The following SPTBN1 variants were observed in gnomAD, a reference collection of about 807,000 sequenced individuals.
SPTBN1 encodes spectrin beta, non-erythrocytic 1.
Under a neutral mutation model 266.4 loss-of-function variants are expected in SPTBN1, and 32 were observed. That is an observed-to-expected ratio of 0.12 (90% CI 0.09 to 0.16). The LOEUF is 0.16. SPTBN1 is among the 10% of genes least tolerant of loss of function. The probability of loss-of-function intolerance (pLI) is 1.00; values close to 1 mark genes in which losing one functional copy is unlikely to be tolerated. For synonymous variants in SPTBN1, 1,336 were observed against 1,162.2 expected (o/e 1.15, Z -3.04); for missense variants, 2,296 against 3,067.1 (o/e 0.75, Z 5.94).
At chr2:54,485,874 C>T (rs1668346818) in intron 1 of SPTBN1, among the ~76,000 whole-genome samples, 1 of 151,362 alleles carries the variant, frequency 6.6e-6, no homozygotes, top group South Asian at 2.1e-4. Flanking sequence ...GCGCCTCTGC[C>T]CGGCCGCGAC....
rs541237225 is a variant in SPTBN1, at chr2:54,628,910, G to C, written c.1799-23G>C. 3 of 1,558,742 alleles carry C rather than the reference G, an allele frequency of 1.9e-6. No individual in the cohort carries two copies. Among genetic ancestry groups the C allele is most frequent in the African/African-American group, 2.7e-5 (2 of 73,264 alleles). ...ATGCTGAGCTCCCTCACACAGCCAC[G>C]TTCCTTCCTTGATGTTAAACAGGTT... On this transcript the variant is annotated intron_variant, in intron 13 of 35. Transcript: ENST00000356805. The surrounding 1 kb of genome is among the most constrained non-coding windows in gnomAD (Gnocchi z 4.3).
chr2:54,557,138 G>A (rs968990598), intron 2 of SPTBN1, among the ~76,000 whole-genome samples: 4 of 152,232 alleles, frequency 2.6e-5, no homozygotes, highest in Non-Finnish European at 4.4e-5. Flanking sequence ...GTGGCTGGAA[G>A]GAGTTGGGGG....
Position 54,661,021 on chromosome 2 carries a change from T to C in SPTBN1, c.6420+1022T>C. On this transcript the variant is annotated intron_variant, in intron 32 of 35. Coordinates refer to ENST00000356805, the MANE Select transcript of SPTBN1 (RefSeq NM_003128.3). ...CTGATTACTTGAACGTTGCACTTGGTGGACCGTGCCTGGGAGCGCTCGCAT... is the reference window on the plus strand; with the variant it reads ...CTGATTACTTGAACGTTGCACTTGGCGGACCGTGCCTGGGAGCGCTCGCAT... The C allele has an allele frequency of 6.1e-6, 6 of 985,446 alleles. No individual in the cohort carries two copies. The South Asian group carries it at 1.4e-4, about 23-fold the overall frequency. 61.0% of individuals were successfully genotyped at this position (985,446 alleles called of 1,614,324 possible).
chr2:54,570,068 T>A (rs72918788), intron 2 of SPTBN1, among the ~76,000 whole-genome samples: 2,124 of 151,630 alleles, frequency 0.014, 51 homozygotes, highest in African/African-American at 0.047. Flanking sequence ...TCTCTCAAGT[T>A]CATAAAAGCC....
chr2:54,511,745 C>T (rs1327938239), intron 1 of SPTBN1, among the ~76,000 whole-genome samples: 1 of 151,908 alleles, frequency 6.6e-6, no homozygotes, highest in Non-Finnish European at 1.5e-5. Context: ...CGCATGTCTG[C>T]AATCCCAGCT....
intron 28 of SPTBN1, 58 bp from the exon 29 acceptor site, chr2:54,655,856 A>G: frequency 7.4e-7 from 1 of 1,353,530 alleles, no homozygotes; most frequent in Non-Finnish European, 1.0e-6. Context: ...AAATGACCCC[A>G]TCAAGAGGAT....
chr2:54,630,170 C>T lies in SPTBN1; in HGVS notation c.2807+141C>T. The T allele has an allele frequency of 2.7e-6, 3 of 1,123,006 alleles. No homozygotes were observed. The South Asian group carries it at 4.8e-5, about 18-fold the overall frequency. The allele number at this position is 1,123,006 out of a possible 1,614,324, so 69.6% of individuals were successfully genotyped here. A position where few individuals can be genotyped will look rare whatever the true frequency, so the allele number is the denominator to read the frequency against. On this transcript the variant is annotated intron_variant, in intron 15 of 35. Transcript: ENST00000356805. The stretch of plus-strand genomic sequence containing the variant: ...ACTGATGTCATGGCATTGGCACCTG[C>T]CTTTTGACATGTCCTTGTTTTGTAA...
chr2:54,529,815 C>T, intron 2 of SPTBN1: 1 of 479,440 alleles, frequency 2.1e-6, no homozygotes. Flanking sequence ...AAACTGAGTC[C>T]ATCTGGCTAA....
intron 1 of SPTBN1, among the ~76,000 whole-genome samples, chr2:54,480,999 C>T (rs1338837585): frequency 6.6e-6 from 1 of 152,106 alleles, no homozygotes; most frequent in Non-Finnish European, 1.5e-5. Flanking sequence ...GAGGGAGCTA[C>T]TTTTATTGTC....
chr2:54,505,634 G>A (rs957590062), intron 1 of SPTBN1, among the ~76,000 whole-genome samples: 8 of 151,998 alleles, frequency 5.3e-5, no homozygotes, highest in Admixed American at 2.6e-4. Flanking sequence ...TCCTGGGCTG[G>A]GTCTCCTAGG....
rs925979681 is a variant in SPTBN1 at position 54,625,856 on chromosome 2, G to A, written c.1342-76G>A. On this transcript the variant is annotated intron_variant, in intron 11 of 35. Transcript: ENST00000356805. ...TCTGCCCGCCTCGGCCTCCCAAAGT[G>A]CTGGGATTACAAGCATGAGCTACTG... The A allele has an allele frequency of 1.6e-5, 24 of 1,498,130 alleles. No individual in the cohort carries two copies. The Middle Eastern group carries it at 6.2e-4, about 39-fold the overall frequency. The allele number at this position is 1,498,130 out of a possible 1,614,324, so 92.8% of individuals were successfully genotyped here.
At chr2:54,667,719 C>A in intron 35 of SPTBN1, 73 bp downstream of exon 35, 1 of 1,341,782 alleles carries the variant, frequency 7.5e-7, no homozygotes, top group South Asian at 1.2e-5. Context: ...GGGCTTTATT[C>A]AGAAAGTTCT....
chr2:54,529,900 G>T, intron 2 of SPTBN1: 1 of 393,374 alleles, frequency 2.5e-6, no homozygotes, highest in Non-Finnish European at 4.7e-6. Context: ...ACTTGATGTG[G>T]GAGTGGTGTG....
chr2:54,599,000 T>G, intron 2 of SPTBN1, 92 bp from the exon 3 acceptor site: 2 of 1,487,848 alleles, frequency 1.3e-6, no homozygotes, highest in South Asian at 2.6e-5. Flanking sequence ...TTGCTGACCT[T>G]CCTCTGGCTG....
intron 2 of SPTBN1, among the ~76,000 whole-genome samples, chr2:54,550,491 A>G (rs879275669): frequency 1.5e-4 from 23 of 152,162 alleles, no homozygotes; most frequent in Middle Eastern, 3.2e-3. Context: ...AACACACCCC[A>G]CACCCCCAAC....
chr2:54,512,462 C>G (rs1335977240), intron 1 of SPTBN1, among the ~76,000 whole-genome samples: 1 of 152,126 alleles, frequency 6.6e-6, no homozygotes, highest in East Asian at 1.9e-4. Flanking sequence ...AAGTGTAAAT[C>G]TCTGGAAATC....
intron 1 of SPTBN1, among the ~76,000 whole-genome samples, chr2:54,461,899 T>C (rs1197915422): frequency 6.6e-6 from 1 of 152,240 alleles, no homozygotes; most frequent in Non-Finnish European, 1.5e-5. Flanking sequence ...CGGTTATTTG[T>C]AATTTAGCAG....
chr2:54,466,556 C>T lies in SPTBN1; in HGVS notation c.-48+10038C>T, dbSNP rs1280634617. ...CAGCCTGGGCGACAGAGCGAGACTC[C>T]GTCTCAAAAAAAAAAAAAAAAAAAA... On this transcript the variant is annotated intron_variant, in intron 1 of 35. Coordinates refer to ENST00000356805, the MANE Select transcript of SPTBN1 (RefSeq NM_003128.3). Among the ~76,000 whole-genome samples, 4 of 10,826 alleles carry T rather than the reference C, an allele frequency of 3.7e-4. 1 individual carries two copies. The highest frequency in any genetic ancestry group is 4.9e-4 in the Non-Finnish European group (4 of 8,168). The allele number at this position is 10,826 out of a possible 152,430, so 7.1% of individuals were successfully genotyped here. A position where few individuals can be genotyped will look rare whatever the true frequency, so the allele number is the denominator to read the frequency against.
chr2:54,654,407 G>C (rs564778710), intron 27 of SPTBN1, among the ~76,000 whole-genome samples: 2 of 152,164 alleles, frequency 1.3e-5, no homozygotes, highest in East Asian at 3.9e-4. Flanking sequence ...GTTAATAGAG[G>C]AACACACAGG....
Sources: gnomAD v4.1 joint callset for allele counts (sites outside exome capture counted in the v4.1 genomes callset) on GRCh38, gnomAD v4.1.1 for gene constraint, Gnocchi (gnomAD v3.1) non-coding constraint, MANE v1.5 for transcripts, NCBI Gene and HGNC (gene_info 2026-07-23, HGNC 2026-07-21) for gene names.